The following BTBD10 variants were observed in gnomAD, a reference collection of about 807,000 sequenced individuals.
BTBD10 encodes BTB/POZ domain-containing protein 10.
In BTBD10, 21 loss-of-function variants were observed where a neutral mutation model predicts 53.2. That is an observed-to-expected ratio of 0.39 (90% confidence interval 0.28 to 0.57). BTBD10 has a LOEUF of 0.57. BTBD10 is among the 20% of genes least tolerant of loss of function. BTBD10 has a pLI of 0.53. For synonymous variants in BTBD10, 149 were observed against 192.7 expected (o/e 0.77, Z 1.88); for missense variants, 360 against 594.7 (o/e 0.61, Z 4.10).
chr11:13,405,580 A>G (rs1391687031), intron 7 of BTBD10, 79 bp downstream of exon 7: 1 of 1,503,046 alleles, frequency 6.7e-7, no homozygotes, highest in Admixed American at 1.7e-5. Context: ...AGGCTGGTCT[A>G]TGAGAAGAGC....
intron 1 of BTBD10, among the ~76,000 whole-genome samples, chr11:13,448,103 C>T (rs1459686399): frequency 6.6e-6 from 1 of 152,190 alleles, no homozygotes; most frequent in African/African-American, 2.4e-5. Context: ...TTCATTCATT[C>T]AAGCACTTAT....
chr11:13,450,485 AG>A (rs1367618294), intron 1 of BTBD10, among the ~76,000 whole-genome samples: 1 of 152,224 alleles, frequency 6.6e-6, no homozygotes, highest in African/African-American at 2.4e-5. Context: ...TAGGAATAAA[AG>A]AGAGACTGTA....
At chr11:13,433,113 T>C (rs1292126695) in intron 2 of BTBD10, among the ~76,000 whole-genome samples, 1 of 152,216 alleles carries the variant, frequency 6.6e-6, no homozygotes, top group Non-Finnish European at 1.5e-5. Flanking sequence ...GCCCTTGTTA[T>C]AATGTTGGGG....
intron 6 of BTBD10, among the ~76,000 whole-genome samples, chr11:13,407,574 T>A (rs1949859080): frequency 2.0e-5 from 3 of 152,172 alleles, no homozygotes; most frequent in African/African-American, 7.2e-5. Flanking sequence ...ACCACCTAAT[T>A]CAAATAATTC....
At chr11:13,411,382 G>GA (rs1949940456) in intron 6 of BTBD10, among the ~76,000 whole-genome samples, 1 of 151,704 alleles carries the variant, frequency 6.6e-6, no homozygotes, top group African/African-American at 2.4e-5. Context: ...ATATTTGCAA[G>GA]AAAAAAAATT....
chr11:13,396,108 G>A (rs1352358033), intron 8 of BTBD10, among the ~76,000 whole-genome samples: 3 of 152,114 alleles, frequency 2.0e-5, no homozygotes, highest in Non-Finnish European at 4.4e-5. Context: ...GGATGGCATT[G>A]AATCTGTAAA....
intron 1 of BTBD10, among the ~76,000 whole-genome samples, chr11:13,457,696 C>T (rs1951000391): frequency 6.6e-6 from 1 of 152,230 alleles, no homozygotes; most frequent in Admixed American, 6.5e-5. Context: ...ATCAAGACTT[C>T]TGAGTTCTCT....
chr11:13,454,162 C>T (rs1950918936), intron 1 of BTBD10, among the ~76,000 whole-genome samples: 1 of 152,180 alleles, frequency 6.6e-6, no homozygotes, highest in African/African-American at 2.4e-5. Flanking sequence ...CAGTCTTTAA[C>T]TTTTAGTTGT....
At chr11:13,441,912 G>A (rs1352904020) in intron 2 of BTBD10, among the ~76,000 whole-genome samples, 1 of 152,084 alleles carries the variant, frequency 6.6e-6, no homozygotes, top group Non-Finnish European at 1.5e-5. Flanking sequence ...GCCAATGACT[G>A]GTTTATAAGC....
At chr11:13,460,984 T>C (rs1413006459) in intron 1 of BTBD10, among the ~76,000 whole-genome samples, 1 of 151,918 alleles carries the variant, frequency 6.6e-6, no homozygotes, top group Non-Finnish European at 1.5e-5. Flanking sequence ...TGCTTTTTCT[T>C]CAGTTATTTC....
In BTBD10 at chr11:13,413,582, A is replaced by G. The variant is rs1248080804; in HGVS notation, c.756T>C (p.Cys252=). The change falls in exon 6 of 9, where the codon TGT becomes TGC. Residue 252 remains cysteine, a synonymous_variant. Coordinates refer to ENST00000278174, the MANE Select transcript of BTBD10 (RefSeq NM_032320.7). ...ATTCAAAAGAGATACAAAGATAGTC[A>G]CATGCTTCTCTCAGTTCAGGAATAG... ...GISIPELREA[C]DYLCISFEYS... is the part of the protein sequence containing the mutation. 2 of 1,610,534 alleles carry G rather than the reference A, an allele frequency of 1.2e-6. No homozygotes were observed. The highest frequency in any genetic ancestry group is 1.7e-6 in the Non-Finnish European group (2 of 1,177,444).
chr11:13,457,200 A>G (rs1950988626), intron 1 of BTBD10, among the ~76,000 whole-genome samples: 1 of 152,068 alleles, frequency 6.6e-6, no homozygotes, highest in African/African-American at 2.4e-5. Flanking sequence ...AATAAAAAGA[A>G]AAACACAGAT....
chr11:13,437,415 TACA>T (rs1950564547), intron 2 of BTBD10, among the ~76,000 whole-genome samples: 1 of 152,212 alleles, frequency 6.6e-6, no homozygotes, highest in Non-Finnish European at 1.5e-5. Flanking sequence ...CTAAACTTAG[TACA>T]ACAACTCAGC....
chr11:13,453,586 T>C (rs1234526462), intron 1 of BTBD10, among the ~76,000 whole-genome samples: 1 of 152,222 alleles, frequency 6.6e-6, no homozygotes, highest in Non-Finnish European at 1.5e-5. Flanking sequence ...TTTGTAAATT[T>C]TTTTGGATTG....
intron 8 of BTBD10, among the ~76,000 whole-genome samples, chr11:13,400,831 C>T (rs1449595292): frequency 6.6e-6 from 1 of 152,074 alleles, no homozygotes; most frequent in Admixed American, 6.5e-5. Context: ...TAGGGCAAAT[C>T]CAGAAGTGGG....
At chr11:13,443,965 G>GAC (rs143262454) in intron 2 of BTBD10, among the ~76,000 whole-genome samples, 22 of 151,366 alleles carry the variant, frequency 1.5e-4, no homozygotes, top group Middle Eastern at 3.4e-3. Context: ...TTTGGATGCT[G>GAC]ACACACACAC....
chr11:13,411,391 T>A lies in BTBD10; in HGVS notation c.808+2139A>T, dbSNP rs190550822. Among the ~76,000 whole-genome samples the A allele has an allele frequency of 4.1e-3, 625 of 152,296 alleles. 2 individuals are homozygous for A. The highest frequency in any genetic ancestry group is 0.011 in the Admixed American group (161 of 15,300). ...AGGCATATATTTGCAAGAAAAAAAA[T>A]TTACTTTTGGATTAAAGTCTACCTA... On this transcript the variant is annotated intron_variant, in intron 6 of 8. Coordinates refer to ENST00000278174, the MANE Select transcript of BTBD10 (RefSeq NM_032320.7).
At chr11:13,431,032 A>G (rs1469820337) in intron 2 of BTBD10, among the ~76,000 whole-genome samples, 1 of 151,430 alleles carries the variant, frequency 6.6e-6, no homozygotes, top group Non-Finnish European at 1.5e-5. Flanking sequence ...ATTGTACACC[A>G]GAATTGACCT....
intron 2 of BTBD10, 115 bp from the exon 3 acceptor site, chr11:13,421,953 C>T (rs1950250041): frequency 1.3e-6 from 1 of 781,718 alleles, no homozygotes; most frequent in Admixed American, 3.5e-5. Flanking sequence ...AAATCAAATG[C>T]TACTTTCTAA....
Sources: gnomAD v4.1 joint callset for allele counts (sites outside exome capture counted in the v4.1 genomes callset) on GRCh38, gnomAD v4.1.1 for gene constraint, MANE v1.5 for transcripts, NCBI Gene and HGNC (gene_info 2026-07-23, HGNC 2026-07-21) for gene names.